The following KLHL29 variants were observed in gnomAD, a reference collection of about 807,000 sequenced individuals.
KLHL29 encodes the protein kelch like family member 29, also known as kelch-like protein 29.
A neutral mutation model predicts 80.4 loss-of-function variants in KLHL29; 21 were observed. That is an observed-to-expected ratio of 0.26 (90% CI 0.19 to 0.38). KLHL29 has a LOEUF of 0.38. Ranked by LOEUF, KLHL29 falls within the 10% of genes least tolerant of loss-of-function variation. KLHL29 has a pLI of 1.00. For synonymous variants in KLHL29, 511 were observed against 526.8 expected, an observed-to-expected ratio of 0.97 and a Z score of 0.41; for missense variants, 867 against 1,223.9, an observed-to-expected ratio of 0.71 and a Z score of 4.35.
chr2:23,618,984 C>A lies in KLHL29; in HGVS notation c.286-20155C>A, dbSNP rs541927134. ...AATGAGGATGCCTTGCCAGACAGCCCCCTTTACAGGCAGATGCTGGTCCTT... is the reference window on the plus strand; with the variant it reads ...AATGAGGATGCCTTGCCAGACAGCCACCTTTACAGGCAGATGCTGGTCCTT... On this transcript the variant is annotated intron_variant, in intron 3 of 13. Transcript: ENST00000486442. 9.2e-5 allele frequency among the ~76,000 whole-genome samples: 14 copies of A among 152,330 alleles called. No individual in the cohort carries two copies. The South Asian group carries it at 2.1e-3, about 23-fold the overall frequency.
chr2:23,626,750 A>T (rs1446780307), intron 3 of KLHL29, among the ~76,000 whole-genome samples: 1 of 152,172 alleles, frequency 6.6e-6, no homozygotes, highest in Admixed American at 6.5e-5. Context: ...CCTGCAGGCG[A>T]TGGGCCCCAG....
At chr2:23,659,098 G>C (rs1174880546) in intron 5 of KLHL29, among the ~76,000 whole-genome samples, 1 of 152,192 alleles carries the variant, frequency 6.6e-6, no homozygotes, top group Non-Finnish European at 1.5e-5. Flanking sequence ...AGCAACTGTG[G>C]ATGAAATGTA....
At chr2:23,389,946 A>T (rs1201087109) in intron 1 of KLHL29, among the ~76,000 whole-genome samples, 2 of 152,150 alleles carry the variant, frequency 1.3e-5, no homozygotes, top group Non-Finnish European at 2.9e-5. Flanking sequence ...TACCATAGAA[A>T]ATGGTCTTAA....
At chr2:23,461,769 A>G (rs1350577415) in intron 1 of KLHL29, among the ~76,000 whole-genome samples, 1 of 151,918 alleles carries the variant, frequency 6.6e-6, no homozygotes. Flanking sequence ...ATAAAATTTA[A>G]AGTAGATCTC....
chr2:23,469,829 G>A (rs981475486), intron 1 of KLHL29, among the ~76,000 whole-genome samples: 3 of 152,066 alleles, frequency 2.0e-5, no homozygotes, highest in Non-Finnish European at 4.4e-5. Flanking sequence ...GGTCCAGTTG[G>A]CACCTTTGGC....
At chr2:23,626,025 G>A (rs1487734565) in intron 3 of KLHL29, among the ~76,000 whole-genome samples, 1 of 152,126 alleles carries the variant, frequency 6.6e-6, no homozygotes, top group African/African-American at 2.4e-5. Flanking sequence ...GTTTAAGCCA[G>A]TGGTCCCCAA....
intron 5 of KLHL29, among the ~76,000 whole-genome samples, chr2:23,651,482 C>A (rs1274864146): frequency 6.6e-6 from 1 of 152,296 alleles, no homozygotes; most frequent in Non-Finnish European, 1.5e-5. Flanking sequence ...TCACCAACAT[C>A]AGCAAAGTCA....
intron 2 of KLHL29, among the ~76,000 whole-genome samples, chr2:23,537,208 C>T (rs1248893074): frequency 1.3e-5 from 2 of 152,134 alleles, no homozygotes; most frequent in East Asian, 3.9e-4. Flanking sequence ...TGGTGGGTGC[C>T]ACTGCCACCA....
chr2:23,501,406 G>A (rs1325855399), intron 2 of KLHL29, among the ~76,000 whole-genome samples: 2 of 152,100 alleles, frequency 1.3e-5, no homozygotes, highest in Admixed American at 1.3e-4. Context: ...CTGAGGGTGG[G>A]AGATAGCCGC....
At chr2:23,598,275 T>C (rs1668478872) in intron 3 of KLHL29, among the ~76,000 whole-genome samples, 1 of 152,102 alleles carries the variant, frequency 6.6e-6, no homozygotes, top group Non-Finnish European at 1.5e-5. Context: ...AACCGAGGGT[T>C]AGGGAAGTTC....
chr2:23,521,342 G>A (rs367952060), intron 2 of KLHL29, among the ~76,000 whole-genome samples: 1 of 152,210 alleles, frequency 6.6e-6, no homozygotes, highest in African/African-American at 2.4e-5. Context: ...GGCGAGGTTC[G>A]TGCACTGGAA....
chr2:23,442,804 TG>T (rs1195025207), intron 1 of KLHL29, among the ~76,000 whole-genome samples: 1 of 152,186 alleles, frequency 6.6e-6, no homozygotes, highest in African/African-American at 2.4e-5. Flanking sequence ...CATGTTTGGT[TG>T]GGGGTGTCAC....
rs2103497473 is a variant in KLHL29 at position 23,562,848 on chromosome 2, A to G, written c.285+367A>G. The stretch of plus-strand genomic sequence containing the variant: ...CCATGCAAGCATCCCTGGGGGTGCC[A>G]GTAACTTGGGTGTGCAAGAAGATAC... On this transcript the variant is annotated intron_variant, in intron 3 of 13. Coordinates refer to ENST00000486442, the MANE Select transcript of KLHL29 (RefSeq NM_052920.2). The surrounding 1 kb of genome is among the most constrained non-coding windows in gnomAD (Gnocchi z 4.5). Among the ~76,000 whole-genome samples, 1 of 152,340 alleles carries G rather than the reference A, an allele frequency of 6.6e-6. No homozygotes were observed. Among genetic ancestry groups the G allele is most frequent in the South Asian group, 2.1e-4 (1 of 4,830 alleles).
intron 2 of KLHL29, among the ~76,000 whole-genome samples, chr2:23,480,843 C>G (rs1184505885): frequency 1.3e-5 from 2 of 152,216 alleles, no homozygotes; most frequent in Non-Finnish European, 2.9e-5. Context: ...GCCCTCCATC[C>G]AGGTCACAAC....
intron 2 of KLHL29, among the ~76,000 whole-genome samples, chr2:23,553,683 C>G (rs913111791): frequency 9.9e-5 from 15 of 152,182 alleles, no homozygotes; most frequent in African/African-American, 3.6e-4. Flanking sequence ...GGGGGGGCCT[C>G]CATACATTTT....
intron 3 of KLHL29, among the ~76,000 whole-genome samples, chr2:23,581,835 A>AAAAAAC (rs1303453791): frequency 1.3e-5 from 2 of 151,674 alleles, no homozygotes; most frequent in East Asian, 1.9e-4. Flanking sequence ...CCTCAAAAAA[A>AAAAAAC]AAAAAAAAAA....
At chr2:23,589,914 G>A (rs1394316326) in intron 3 of KLHL29, among the ~76,000 whole-genome samples, 1 of 152,358 alleles carries the variant, frequency 6.6e-6, no homozygotes, top group East Asian at 1.9e-4. Flanking sequence ...CTGAACAACT[G>A]TCAACGTCTA....
intron 2 of KLHL29, among the ~76,000 whole-genome samples, chr2:23,479,534 C>T (rs552136038): frequency 1.3e-5 from 2 of 152,164 alleles, no homozygotes; most frequent in East Asian, 3.9e-4. Flanking sequence ...CCTTGGCTCC[C>T]TGTATCCCCA....
At chr2:23,580,891 T>C (rs919696274) in intron 3 of KLHL29, among the ~76,000 whole-genome samples, 2 of 148,800 alleles carry the variant, frequency 1.3e-5, no homozygotes, top group African/African-American at 5.0e-5. Context: ...GGCAACAGGA[T>C]TGCTTGAACC....
Sources: allele counts gnomAD v4.1 joint callset (sites outside exome capture counted in the v4.1 genomes callset), GRCh38; gene constraint gnomAD v4.1.1; non-coding constraint Gnocchi (gnomAD v3.1); transcripts MANE v1.5; gene names NCBI Gene and HGNC (gene_info 2026-07-23, HGNC 2026-07-21).